VAV2: variants seen among roughly 807,000 people sequenced by gnomAD.
VAV2 encodes guanine nucleotide exchange factor VAV2.
VAV2 carries 67 observed loss-of-function variants against 132.5 expected under a neutral mutation model. The observed-to-expected ratio is 0.51, with a 90% CI of 0.42 to 0.62. The LOEUF (loss-of-function observed/expected upper bound fraction) is 0.62. VAV2 is among the 20% of genes least tolerant of loss of function. VAV2 has a pLI of 0.00. For missense variants in VAV2, 938 were observed against 1,153.6 expected, an observed-to-expected ratio of 0.81 and a Z score of 2.71; for synonymous variants, 492 against 443.5, an observed-to-expected ratio of 1.11 and a Z score of -1.37.
chr9:133,806,231 G>A (rs1835137203), intron 8 of VAV2, 50 bp from the exon 9 acceptor site: 1 of 1,563,884 alleles, frequency 6.4e-7, no homozygotes, highest in Middle Eastern at 1.7e-4. Context: ...CCCAAGGCTA[G>A]ACGGGAGCGC....
intron 4 of VAV2, 80 bp from the exon 5 acceptor site, chr9:133,812,296 C>A: frequency 7.0e-7 from 1 of 1,424,836 alleles, no homozygotes; most frequent in Non-Finnish European, 9.8e-7. Flanking sequence ...CGAGGGTCCA[C>A]GAGGGACGCA....
intron 9 of VAV2, among the ~76,000 whole-genome samples, chr9:133,805,460 A>C (rs984145543): frequency 6.6e-6 from 1 of 152,006 alleles, no homozygotes; most frequent in Non-Finnish European, 1.5e-5. Flanking sequence ...CCATCTCCCC[A>C]GCCTCTGACA....
In VAV2 at chr9:133,796,420, G is replaced by C; in HGVS notation, c.1032+9C>G. The C allele has an allele frequency of 6.2e-7, 1 of 1,612,032 alleles. No homozygotes were observed. Among genetic ancestry groups the C allele is most frequent in the East Asian group, 2.2e-5 (1 of 44,876 alleles). ...TGACCCCGCAGGCACCCGGGGCCCA[G>C]AGCCTCACCTTCAAGAGCAGGTGGT... On this transcript the variant is annotated intron_variant, in intron 11 of 29. Coordinates refer to ENST00000371850, the MANE Select transcript of VAV2 (RefSeq NM_001134398.2).
chr9:133,796,695 A>AG (rs113674562), intron 10 of VAV2, among the ~76,000 whole-genome samples, 171 bp from the exon 11 acceptor site: 3,803 of 151,904 alleles, frequency 0.025, 140 homozygotes, highest in African/African-American at 0.086. Flanking sequence ...GTGTGTGCAG[A>AG]GGGGGGGGCT....
At position 133,788,540 on chromosome 9, in the gene VAV2, C is replaced by T; in HGVS notation, c.1275-54G>A. ...GCACCCCAGCACTGTGTGCTCTGCT[C>T]CGAGGAGGCGGCAGGAGCTGAGCCT... On this transcript the variant is annotated intron_variant, in intron 14 of 29. Transcript: ENST00000371850. This position sits in a 1 kb window ranked among gnomAD's most constrained non-coding sequence, Gnocchi z 5.3. The T allele has an allele frequency of 6.4e-7, 1 of 1,573,762 alleles. No individual in the cohort carries two copies. Among genetic ancestry groups the T allele is most frequent in the East Asian group, 2.3e-5 (1 of 43,812 alleles).
chr9:133,933,824 GTGGA>G (rs1176880595), intron 2 of VAV2, among the ~76,000 whole-genome samples: 5 of 143,378 alleles, frequency 3.5e-5, no homozygotes, highest in East Asian at 2.4e-4. Flanking sequence ...GAATGGATGA[GTGGA>G]TGGATGGATG....
At chr9:133,964,085 T>C (rs1299182810) in intron 1 of VAV2, among the ~76,000 whole-genome samples, 1 of 138,450 alleles carries the variant, frequency 7.2e-6, no homozygotes, top group African/African-American at 2.6e-5. Context: ...ATAGGCCAGG[T>C]ATGTTGGCTC....
intron 2 of VAV2, among the ~76,000 whole-genome samples, chr9:133,892,634 C>T (rs1185751072): frequency 6.6e-6 from 1 of 152,076 alleles, no homozygotes; most frequent in East Asian, 1.9e-4. Context: ...CTGAATCGGG[C>T]GTCAGAGTCC....
At chr9:133,845,189 C>T (rs894840112) in intron 3 of VAV2, among the ~76,000 whole-genome samples, 3 of 152,246 alleles carry the variant, frequency 2.0e-5, no homozygotes, top group Admixed American at 6.5e-5. Context: ...CTTGTCTGCA[C>T]GTGTGTCCCA....
At chr9:133,894,461 C>A (rs1332871930) in intron 2 of VAV2, among the ~76,000 whole-genome samples, 1 of 152,208 alleles carries the variant, frequency 6.6e-6, no homozygotes, top group East Asian at 1.9e-4. Flanking sequence ...AAGGTGGAAA[C>A]CGCCTTTACG....
rs540377376 is a variant in VAV2, at chr9:133,973,152, A to G, written c.204+18923T>C. Among the ~76,000 whole-genome samples, 108 of 152,162 alleles carry G rather than the reference A, an allele frequency of 7.1e-4. 1 individual carries two copies. The highest frequency in any genetic ancestry group is 1.1e-3 in the Admixed American group (17 of 15,292). ...GAGGGCCCAAGGAAGGTCCATGGGC[A>G]CAGGGGATCTGCAAGCCCCCCTGTC... On this transcript the variant is annotated intron_variant, in intron 1 of 29. Transcript: ENST00000371850.
chr9:133,916,741 C>G (rs1386233092), intron 2 of VAV2, among the ~76,000 whole-genome samples: 1 of 152,140 alleles, frequency 6.6e-6, no homozygotes, highest in African/African-American at 2.4e-5. Context: ...CAAAGGACAC[C>G]CCGGATGCCT....
chr9:133,981,723 G>A (rs1429684739), intron 1 of VAV2, among the ~76,000 whole-genome samples: 5 of 152,350 alleles, frequency 3.3e-5, no homozygotes, highest in African/African-American at 7.2e-5. Context: ...GTGGCCAAGC[G>A]AGTGTGGTCC....
rs568537372 is a variant in VAV2 at position 133,764,224 on chromosome 9, G to A, written c.2590-115C>T. ...GGCTCATGAAGATGGGGGGCCCTTC[G>A]GAAGTCCAGAGTTCTCAGAAGGACC... On this transcript the variant is annotated intron_variant, in intron 29 of 29. Coordinates refer to ENST00000371850, the MANE Select transcript of VAV2 (RefSeq NM_001134398.2). The A allele has an allele frequency of 4.2e-5, 57 of 1,354,034 alleles. No homozygotes were observed. The Admixed American group carries it at 5.0e-4, about 12-fold the overall frequency. 83.9% of individuals were successfully genotyped at this position (1,354,034 alleles called of 1,614,324 possible).
intron 25 of VAV2, among the ~76,000 whole-genome samples, chr9:133,773,689 C>A (rs1443663162): frequency 2.0e-5 from 3 of 152,186 alleles, no homozygotes; most frequent in African/African-American, 7.2e-5. Flanking sequence ...ACAACAATGC[C>A]TTCTTCTAGA....
At chr9:133,772,430 G>A (rs1564330281) in intron 25 of VAV2, among the ~76,000 whole-genome samples, 1 of 152,148 alleles carries the variant, frequency 6.6e-6, no homozygotes, top group Non-Finnish European at 1.5e-5. Context: ...TTCCCTGCAT[G>A]TCCACTTGGC....
intron 2 of VAV2, among the ~76,000 whole-genome samples, chr9:133,917,826 G>C (rs1353092833): frequency 6.6e-6 from 1 of 152,216 alleles, no homozygotes; most frequent in Non-Finnish European, 1.5e-5. Context: ...GAAAAGGCTA[G>C]CTGGACCCAC....
intron 2 of VAV2, among the ~76,000 whole-genome samples, chr9:133,906,739 G>A (rs1034277114): frequency 6.6e-6 from 1 of 152,238 alleles, no homozygotes; most frequent in African/African-American, 2.4e-5. Flanking sequence ...CAGAACCACA[G>A]ACACAAAACC....
At chr9:133,911,596 C>A (rs1839886762) in intron 2 of VAV2, among the ~76,000 whole-genome samples, 1 of 152,162 alleles carries the variant, frequency 6.6e-6, no homozygotes, top group Non-Finnish European at 1.5e-5. Context: ...CACTGGTGAC[C>A]CCCCACTGTA....
Sources: gnomAD v4.1 joint callset for allele counts (sites outside exome capture counted in the v4.1 genomes callset) on GRCh38, gnomAD v4.1.1 for gene constraint, Gnocchi (gnomAD v3.1) non-coding constraint, MANE v1.5 for transcripts, NCBI Gene and HGNC (gene_info 2026-07-23, HGNC 2026-07-21) for gene names.